The following PTGER3 variants were observed in gnomAD, a reference collection of about 807,000 sequenced individuals.
PTGER3 encodes prostaglandin E2 receptor EP3 subtype.
A neutral mutation model predicts 34.7 loss-of-function variants in PTGER3; 22 were observed. That is an observed-to-expected ratio of 0.63 (90% CI 0.45 to 0.91). The LOEUF is 0.91. PTGER3 is among the 40% of genes least tolerant of loss of function. PTGER3 has a pLI of 0.00. For synonymous variants in PTGER3, 241 were observed against 230.1 expected, an observed-to-expected ratio of 1.05 and a Z score of -0.43; for missense variants, 468 against 519.4, an observed-to-expected ratio of 0.90 and a Z score of 0.96.
chr1:70,931,145 C>T (rs921818508), intron 4 of PTGER3, among the ~76,000 whole-genome samples: 1 of 152,224 alleles, frequency 6.6e-6, no homozygotes, highest in East Asian at 1.9e-4. Flanking sequence ...ATCAGCAGGG[C>T]AGTCAAATTT....
chr1:70,980,506 G>T (rs189480805), intron 2 of PTGER3, among the ~76,000 whole-genome samples: 133 of 152,160 alleles, frequency 8.7e-4, no homozygotes, highest in Admixed American at 4.0e-3. Context: ...CATTATGTCT[G>T]TAATCCCAGT....
chr1:70,862,943 C>T (rs1053408139), intron 4 of PTGER3, among the ~76,000 whole-genome samples: 5 of 152,062 alleles, frequency 3.3e-5, no homozygotes, highest in Admixed American at 6.5e-5. Context: ...GCAAAATAAA[C>T]ATTTAGGAGG....
intron 2 of PTGER3, among the ~76,000 whole-genome samples, chr1:70,981,369 TTC>T (rs760564777): frequency 8.4e-6 from 1 of 119,412 alleles, no homozygotes; most frequent in Non-Finnish European, 1.7e-5. Context: ...CTTTCTTTCT[TTC>T]TTTCTTTCTT....
chr1:70,860,938 C>G (rs1176587498), intron 4 of PTGER3, among the ~76,000 whole-genome samples: 2 of 152,156 alleles, frequency 1.3e-5, no homozygotes, highest in Non-Finnish European at 2.9e-5. Context: ...TGTTAGGGAA[C>G]AGAGACAATT....
intron 2 of PTGER3, among the ~76,000 whole-genome samples, chr1:70,992,937 C>T (rs1200593835): frequency 6.6e-6 from 1 of 152,148 alleles, no homozygotes; most frequent in African/African-American, 2.4e-5. Flanking sequence ...ACATTTATAA[C>T]AACATTGCCC....
intron 1 of PTGER3, among the ~76,000 whole-genome samples, chr1:71,043,424 G>A (rs10889906): frequency 0.6 from 91,680 of 152,060 alleles, 30,629 homozygotes; most frequent in East Asian, 0.96. Flanking sequence ...TATTTATGTA[G>A]TGTGAACTTG....
At chr1:70,882,955 T>C (rs919980075) in intron 4 of PTGER3, among the ~76,000 whole-genome samples, 22 of 152,356 alleles carry the variant, frequency 1.4e-4, no homozygotes, top group African/African-American at 5.0e-4. Context: ...ACACGTGAGC[T>C]GCTTCTAGTC....
intron 2 of PTGER3, among the ~76,000 whole-genome samples, chr1:70,978,438 A>G (rs765143386): frequency 2.8e-4 from 43 of 152,178 alleles, no homozygotes; most frequent in Non-Finnish European, 5.3e-4. Flanking sequence ...GGTCAAATTA[A>G]TAAGCAAAAC....
chr1:71,012,082 G>A, intron 2 of PTGER3: 1 of 1,485,756 alleles, frequency 6.7e-7, no homozygotes, highest in Middle Eastern at 2.5e-4. Flanking sequence ...ATGCTTCTAA[G>A]ACCATTTAGC....
At chr1:70,878,890 A>G (rs1189472902) in intron 4 of PTGER3, among the ~76,000 whole-genome samples, 1 of 152,122 alleles carries the variant, frequency 6.6e-6, no homozygotes, top group South Asian at 2.1e-4. Context: ...TTTATGTCCT[A>G]TTGAGTGGTT....
chr1:70,932,926 C>T (rs933732979), intron 4 of PTGER3, among the ~76,000 whole-genome samples: 20 of 152,112 alleles, frequency 1.3e-4, no homozygotes, highest in Non-Finnish European at 2.4e-4. Flanking sequence ...AACATACACA[C>T]GAACACACAC....
At chr1:71,037,409 A>C (rs181292571) in intron 1 of PTGER3, among the ~76,000 whole-genome samples, 1 of 152,352 alleles carries the variant, frequency 6.6e-6, no homozygotes, top group East Asian at 1.9e-4. Context: ...CGAGCAACGT[A>C]ACTGCTCAAC....
At chr1:71,017,754 T>C (rs1572942405) in intron 1 of PTGER3, among the ~76,000 whole-genome samples, 2 of 152,276 alleles carry the variant, frequency 1.3e-5, no homozygotes, top group South Asian at 4.1e-4. Flanking sequence ...CCAGCCATGC[T>C]TCCTGTACAG....
chr1:70,857,837 C>G (rs1282711034), intron 4 of PTGER3, among the ~76,000 whole-genome samples: 2 of 152,290 alleles, frequency 1.3e-5, no homozygotes, highest in South Asian at 2.1e-4. Context: ...ATAACCTAAA[C>G]TATGTATTCT....
intron 4 of PTGER3, among the ~76,000 whole-genome samples, chr1:70,855,472 C>T (rs1366308144): frequency 2.0e-5 from 3 of 152,040 alleles, no homozygotes; most frequent in African/African-American, 7.2e-5. Context: ...TTATGTTAAA[C>T]ATGTTATGTT....
chr1:70,940,602 A>G (rs1265299807), intron 4 of PTGER3, among the ~76,000 whole-genome samples: 1 of 152,172 alleles, frequency 6.6e-6, no homozygotes, highest in Non-Finnish European at 1.5e-5. Flanking sequence ...GGTGGCAGGA[A>G]GAGAAAAATG....
intron 2 of PTGER3, among the ~76,000 whole-genome samples, chr1:70,984,155 T>A (rs1654671295): frequency 6.6e-6 from 1 of 151,946 alleles, no homozygotes; most frequent in South Asian, 2.1e-4. Flanking sequence ...TGGAGGCCAA[T>A]ATGTGTGGAT....
In PTGER3 at chr1:71,042,959, C is replaced by T. The variant is rs927778006; in HGVS notation, c.897+3722G>A. 5.3e-5 allele frequency among the ~76,000 whole-genome samples: 8 copies of T among 152,192 alleles called. No homozygotes were observed. In the East Asian group the frequency reaches 1.5e-3, roughly 29 times the overall value. ...TGTTTGTTGCTCATACCTCACTTTT[C>T]ATGATGTTCATAGCTGGCTTTGTAT... On this transcript the variant is annotated intron_variant, in intron 1 of 3. Coordinates refer to ENST00000306666, the MANE Select transcript of PTGER3 (RefSeq NM_198719.2).
At chr1:70,942,168 C>T (rs1167765775) in intron 4 of PTGER3, among the ~76,000 whole-genome samples, 1 of 152,046 alleles carries the variant, frequency 6.6e-6, no homozygotes, top group African/African-American at 2.4e-5. Context: ...CTGGTTCAGA[C>T]CTTAAAGTGA....
Sources: gnomAD v4.1 joint callset for allele counts (sites outside exome capture counted in the v4.1 genomes callset) on GRCh38, gnomAD v4.1.1 for gene constraint, MANE v1.5 for transcripts, NCBI Gene and HGNC (gene_info 2026-07-23, HGNC 2026-07-21) for gene names.